The following FRMD4B variants were observed in gnomAD, a reference collection of about 807,000 sequenced individuals.
FRMD4B encodes FERM domain-containing protein 4B.
A neutral mutation model predicts 141.5 loss-of-function variants in FRMD4B; 74 were observed. The observed-to-expected ratio is 0.52, with a 90% CI of 0.43 to 0.63. The LOEUF is 0.63. Ranked by LOEUF, FRMD4B falls within the 30% of genes least tolerant of loss-of-function variation. The pLI, the probability that FRMD4B is intolerant of heterozygous loss-of-function variation, is 0.00. For synonymous variants in FRMD4B, 506 were observed against 467.9 expected, an observed-to-expected ratio of 1.08 and a Z score of -1.05; for missense variants, 1,366 against 1,253.4, an observed-to-expected ratio of 1.09 and a Z score of -1.36.
At chr3:69,320,154 C>T (rs955638124) in intron 1 of FRMD4B, among the ~76,000 whole-genome samples, 7 of 152,116 alleles carry the variant, frequency 4.6e-5, no homozygotes, top group Non-Finnish European at 1.5e-5. Flanking sequence ...GCGTAAGTGA[C>T]CTGAACAAGG....
intron 1 of FRMD4B, among the ~76,000 whole-genome samples, chr3:69,476,529 T>A (rs2106963767): frequency 6.6e-6 from 1 of 152,318 alleles, no homozygotes; most frequent in Non-Finnish European, 1.5e-5. Flanking sequence ...TGTGGCATTA[T>A]TTCTGAGGGC....
intron 1 of FRMD4B, among the ~76,000 whole-genome samples, chr3:69,456,236 A>G (rs909841336): frequency 1.9e-5 from 2 of 103,406 alleles, no homozygotes; most frequent in African/African-American, 8.9e-5. Context: ...TGAAACTCAA[A>G]GTGTTTGCAC....
chr3:69,521,835 C>T (rs554923484), intron 1 of FRMD4B, among the ~76,000 whole-genome samples: 1 of 152,266 alleles, frequency 6.6e-6, no homozygotes, highest in South Asian at 2.1e-4. Context: ...TGAAATGTCG[C>T]TCCAAAGACA....
chr3:69,325,815 A>G (rs1702171761), intron 1 of FRMD4B, among the ~76,000 whole-genome samples: 1 of 152,174 alleles, frequency 6.6e-6, no homozygotes, highest in Non-Finnish European at 1.5e-5. Context: ...CTTGACATGT[A>G]TTACCAGTTT....
At chr3:69,196,155 C>T in intron 14 of FRMD4B, 100 bp downstream of exon 14, 10 of 935,772 alleles carry the variant, frequency 1.1e-5, no homozygotes, top group Middle Eastern at 2.2e-4. Flanking sequence ...TTATTTATTC[C>T]CAAAATAATG....
chr3:69,511,188 T>C (rs528765709), intron 1 of FRMD4B, among the ~76,000 whole-genome samples: 2 of 152,340 alleles, frequency 1.3e-5, no homozygotes, highest in African/African-American at 2.4e-5. Flanking sequence ...TCCCAGTAGT[T>C]GTATAAGCAT....
At chr3:69,386,146 G>C (rs1575782125), upstream of FRMD4B, 1 of 662,572 alleles carries the variant, frequency 1.5e-6, no homozygotes, top group Non-Finnish European at 2.4e-6. Context: ...GTCCTGGCCA[G>C]GCTCCGGCGG....
chr3:69,460,743 C>A (rs1485619608), intron 1 of FRMD4B, among the ~76,000 whole-genome samples: 2 of 152,278 alleles, frequency 1.3e-5, no homozygotes, highest in South Asian at 4.1e-4. Flanking sequence ...AGGTTACCCA[C>A]AGCACACAGC....
intron 1 of FRMD4B, among the ~76,000 whole-genome samples, chr3:69,361,259 G>A (rs987247144): frequency 2.0e-5 from 3 of 151,960 alleles, no homozygotes; most frequent in Non-Finnish European, 4.4e-5. Context: ...GGTTTTAGTA[G>A]TATTTGTCAG....
chr3:69,412,619 T>C (rs1055833910), intron 2 of FRMD4B, among the ~76,000 whole-genome samples: 3 of 152,212 alleles, frequency 2.0e-5, no homozygotes, highest in African/African-American at 4.8e-5. Flanking sequence ...CAAATGGCTG[T>C]ATTGTAACAT....
intron 6 of FRMD4B, among the ~76,000 whole-genome samples, chr3:69,249,456 C>T (rs541372431): frequency 1.2e-3 from 185 of 152,212 alleles, no homozygotes; most frequent in Non-Finnish European, 2.0e-3. Flanking sequence ...TTATTCTTAA[C>T]AAAAGAAACA....
intron 3 of FRMD4B, among the ~76,000 whole-genome samples, chr3:69,305,174 A>G (rs944068169): frequency 2.0e-5 from 3 of 152,142 alleles, no homozygotes; most frequent in Non-Finnish European, 4.4e-5. Context: ...AGTACCCGGG[A>G]CTTTCAGTAC....
At chr3:69,535,175 A>G (rs1375829596) in intron 1 of FRMD4B, among the ~76,000 whole-genome samples, 2 of 152,226 alleles carry the variant, frequency 1.3e-5, no homozygotes, top group Non-Finnish European at 2.9e-5. Context: ...AGCAGCAAAG[A>G]TAGATCTGAG....
intron 1 of FRMD4B, among the ~76,000 whole-genome samples, chr3:69,471,009 A>G (rs1014630217): frequency 1.2e-4 from 18 of 152,200 alleles, no homozygotes; most frequent in African/African-American, 2.9e-4. Flanking sequence ...ATTTTTGCCA[A>G]CACTCTAATT....
intron 1 of FRMD4B, among the ~76,000 whole-genome samples, chr3:69,500,882 G>A (rs1209769397): frequency 6.6e-6 from 1 of 152,108 alleles, no homozygotes; most frequent in Non-Finnish European, 1.5e-5. Context: ...CAGGACAAGT[G>A]GGAAAGTCAC....
intron 1 of FRMD4B, 116 bp from the exon 2 acceptor site, chr3:69,313,633 T>C (rs1047827742): frequency 1.2e-4 from 79 of 656,428 alleles, no homozygotes; most frequent in Non-Finnish European, 2.1e-4. Flanking sequence ...TGGCTTTAGT[T>C]GAGTTAATAA....
chr3:69,446,251 C>T (rs1333833857), intron 1 of FRMD4B, among the ~76,000 whole-genome samples: 1 of 152,056 alleles, frequency 6.6e-6, no homozygotes, highest in Non-Finnish European at 1.5e-5. Context: ...TGGTCTCGAA[C>T]TCCTGACTTA....
chr3:69,183,475 T>TC (rs1491470036), intron 19 of FRMD4B, among the ~76,000 whole-genome samples: 24 of 99,104 alleles, frequency 2.4e-4, no homozygotes, highest in Non-Finnish European at 3.7e-4. Flanking sequence ...TAGAAGTTAA[T>TC]TTTTTTTTTT....
intron 2 of FRMD4B, among the ~76,000 whole-genome samples, chr3:69,416,611 GC>G (rs1261936259): frequency 6.6e-6 from 1 of 152,020 alleles, no homozygotes; most frequent in Non-Finnish European, 1.5e-5. Context: ...GTATATATGT[GC>G]CATGGTGGTT....
Sources: allele counts gnomAD v4.1 joint callset (sites outside exome capture counted in the v4.1 genomes callset), GRCh38; gene constraint gnomAD v4.1.1; transcripts MANE v1.5; gene names NCBI Gene and HGNC (gene_info 2026-07-23, HGNC 2026-07-21).